Variants in IQCE observed in about 807,000 individuals in gnomAD.
IQCE encodes IQ motif containing E.
A neutral mutation model predicts 96.0 loss-of-function variants in IQCE; 115 were observed. That is an observed-to-expected ratio of 1.20 (90% CI 1.03 to 1.40). The LOEUF (loss-of-function observed/expected upper bound fraction) is 1.40, where lower values mean the gene tolerates loss of function less well. Among genes scored for constraint, IQCE ranks in the 40% most tolerant of loss-of-function variants. IQCE has a pLI of 0.00. For missense variants in IQCE, 1,041 were observed against 909.1 expected, an observed-to-expected ratio of 1.15 and a Z score of -1.87; for synonymous variants, 412 against 371.2, an observed-to-expected ratio of 1.11 and a Z score of -1.26.
chr7:2,595,248 G>A (rs1783933215), intron 16 of IQCE, among the ~76,000 whole-genome samples: 1 of 152,242 alleles, frequency 6.6e-6, no homozygotes, highest in African/African-American at 2.4e-5. Context: ...CATGCGGAGG[G>A]TGTAGTTATG....
chr7:2,583,757 G>A (rs773790803), intron 10 of IQCE, 48 bp downstream of exon 10: 12 of 559,922 alleles, frequency 2.1e-5, no homozygotes, highest in Admixed American at 5.6e-5. Flanking sequence ...CGAGCTGGGC[G>A]GCGGGGCGGA....
At chr7:2,598,991 TC>T (rs1784254838) in intron 17 of IQCE, among the ~76,000 whole-genome samples, 1 of 152,194 alleles carries the variant, frequency 6.6e-6, no homozygotes. Context: ...TTTTACATCC[TC>T]ACCTAACGGC....
chr7:2,599,834 C>T (rs1424701385), intron 17 of IQCE, among the ~76,000 whole-genome samples: 2 of 151,004 alleles, frequency 1.3e-5, no homozygotes, highest in Admixed American at 6.6e-5. Context: ...GCTCTTGTGG[C>T]CCAGGCTGGA....
Position 2,607,187 on chromosome 7 carries a change from C to T in IQCE, c.1929C>T (p.His643=), listed in dbSNP as rs878908727. The change falls in exon 21 of 22, where the codon CAC becomes CAT. Residue 643 remains histidine (H), a synonymous_variant. Transcript: ENST00000402050. Reference sequence around the variant, plus strand: ...GGAGGAGATCGGCTTCAGCCACACACGGGGACGCCTCCTCCCCACCCTTCC... The same window carrying T: ...GGAGGAGATCGGCTTCAGCCACACATGGGGACGCCTCCTCCCCACCCTTCC... The part of the protein sequence containing the change: ...STRRRSASAT[H]GDASSPPFLA... 5.0e-6 allele frequency: 8 copies of T among 1,613,500 alleles called. No individual in the cohort carries two copies. Among genetic ancestry groups the T allele is most frequent in the East Asian group, 2.2e-5 (1 of 44,820 alleles).
intron 20 of IQCE, 102 bp downstream of exon 20, chr7:2,606,099 G>A: frequency 7.3e-7 from 1 of 1,371,036 alleles, no homozygotes; most frequent in South Asian, 1.6e-5. Flanking sequence ...GCGGAAACTG[G>A]AGCAGCGCCT....
chr7:2,584,613 A>G, intron 11 of IQCE: 1 of 276,240 alleles, frequency 3.6e-6, no homozygotes, highest in East Asian at 7.6e-5. Context: ...CATTGCACAC[A>G]AGGACAAGTT....
At position 2,607,159 on chromosome 7, in the gene IQCE, C is replaced by T; in HGVS notation, c.1901C>T (p.Thr634Ile). The stretch of plus-strand genomic sequence containing the variant: ...AAAAGAACCACCACCGCAGCTTCTA[C>T]CAGGAGGAGATCGGCTTCAGCCACA... Reference protein sequence around the residue: ...TGKRTTTAASTRRRSASATHG... With the variant: ...TGKRTTTAASIRRRSASATHG... Residue 634 changes from threonine (T) to isoleucine (I), a missense_variant, in exon 21 of 22, where the codon ACC becomes ATC. Transcript: ENST00000402050. 4 of 1,611,956 alleles carry T rather than the reference C, an allele frequency of 2.5e-6. No individual in the cohort carries two copies. Among genetic ancestry groups the T allele is most frequent in the Non-Finnish European group, 3.4e-6 (4 of 1,179,174 alleles).
chr7:2,606,300 A>G (rs1332792916), intron 20 of IQCE, among the ~76,000 whole-genome samples: 1 of 152,138 alleles, frequency 6.6e-6, no homozygotes, highest in East Asian at 1.9e-4. Flanking sequence ...TCAGGTCACC[A>G]TCAGTCTGTG....
chr7:2,573,532 C>T (rs1404196112), intron 6 of IQCE, 44 bp downstream of exon 6: 2 of 1,046,446 alleles, frequency 1.9e-6, no homozygotes, highest in Non-Finnish European at 3.0e-6. Context: ...ACGGTGAAAG[C>T]TTCCTATAAC....
rs2128475754 is a variant in IQCE at position 2,610,431 on chromosome 7, G to A, written c.*269G>A. 1.0e-5 allele frequency: 4 copies of A among 392,830 alleles called. No homozygotes were observed. Among genetic ancestry groups the A allele is most frequent in the Middle Eastern group, 1.5e-3 (2 of 1,312 alleles). The allele number at this position is 392,830 out of a possible 1,614,324, so 24.3% of individuals were successfully genotyped here. A position where few individuals can be genotyped will look rare whatever the true frequency, so the allele number is the denominator to read the frequency against. On this transcript the variant is annotated 3_prime_UTR_variant, in exon 22 of 22. Transcript: ENST00000402050. ...TTCAGTGCCAACAGACACATCTGCC[G>A]TGAACTCGCAGATGCCAGGGAGCCC...
In IQCE at chr7:2,560,762, G is replaced by A. The variant is rs551571792; in HGVS notation, c.36+1545G>A. Among the ~76,000 whole-genome samples the A allele has an allele frequency of 2.5e-3, 374 of 151,900 alleles. 1 individual carries two copies. Among genetic ancestry groups the A allele is most frequent in the Non-Finnish European group, 4.1e-3 (278 of 67,928 alleles). On this transcript the variant is annotated intron_variant, in intron 1 of 21. Transcript: ENST00000402050. ...CATGAGGTCAGGAGATCGAGACCATGCTGGCTAACACAGTGAAACCCCATC... is the reference window on the plus strand; with the variant it reads ...CATGAGGTCAGGAGATCGAGACCATACTGGCTAACACAGTGAAACCCCATC...
intron 18 of IQCE, 132 bp downstream of exon 18, chr7:2,601,596 C>T: frequency 1.3e-6 from 1 of 758,438 alleles, no homozygotes; most frequent in South Asian, 1.4e-5. Flanking sequence ...GTGGCCCAGC[C>T]TGGAGTGCAG....
chr7:2,593,129 A>AT lies in IQCE; in HGVS notation c.1349+4dup. 6.2e-7 allele frequency: 1 copy of AT among 1,608,302 alleles called. No homozygotes were observed. Among genetic ancestry groups the AT allele is most frequent in the African/African-American group, 1.3e-5 (1 of 74,976 alleles). On this transcript the variant is annotated splice_donor_region_variant and intron_variant, in intron 15 of 21. Coordinates refer to ENST00000402050, the MANE Select transcript of IQCE (RefSeq NM_152558.5). ...AGAGAGCGAGAGGAGGTTTTGAGGT[A>AT]TGTGACCCGGGTCAGGGCTGGAGAG...
rs111535426 is a variant in IQCE, at chr7:2,597,101, C to T, written c.1441-1364C>T. 8.7e-3 allele frequency: 4,091 copies of T among 470,810 alleles called. 109 individuals carry two copies. Among genetic ancestry groups the T allele is most frequent in the African/African-American group, 0.066 (3,318 of 50,192 alleles). 29.2% of individuals were successfully genotyped at this position (470,810 alleles called of 1,614,324 possible). A position where few individuals can be genotyped will look rare whatever the true frequency, so the allele number is the denominator to read the frequency against. ...GCAGGGTCGTGCGGAAGACCTGGGCCAGGGCCTTTATCATGAGAAGGAGAG... is the reference window on the plus strand; with the variant it reads ...GCAGGGTCGTGCGGAAGACCTGGGCTAGGGCCTTTATCATGAGAAGGAGAG... On this transcript the variant is annotated intron_variant, in intron 16 of 21. Coordinates refer to ENST00000402050, the MANE Select transcript of IQCE (RefSeq NM_152558.5).
intron 20 of IQCE, among the ~76,000 whole-genome samples, 166 bp downstream of exon 20, chr7:2,606,163 G>C (rs1467339149): frequency 1.3e-5 from 2 of 152,238 alleles, no homozygotes; most frequent in African/African-American, 4.8e-5. Context: ...TTCACATCCT[G>C]AGGACTCCCT....
intron 5 of IQCE, chr7:2,572,589 G>A (rs74652756): frequency 0.011 from 6,823 of 620,980 alleles, 303 homozygotes; most frequent in African/African-American, 0.1. Context: ...AAACATAGAG[G>A]CGTACTTAAA....
intron 5 of IQCE, chr7:2,572,743 T>C: frequency 2.2e-6 from 1 of 457,316 alleles, no homozygotes; most frequent in Non-Finnish European, 4.4e-6. Context: ...GGAATCTCGC[T>C]GTGTTGCCCA....
rs1320351724 is a variant in IQCE at position 2,598,571 on chromosome 7, A to T, written c.1547A>T (p.Asp516Val). Residue 516 changes from aspartate to valine, a missense_variant, in exon 17 of 22, where the codon GAT (aspartate) becomes GTT (valine). Asp to Val is a radical substitution (Grantham distance 152, BLOSUM62 -3). Transcript: ENST00000402050. ...CCGCGGCCCCGCTCCCCCTGCTCTG[A>T]TGGGAGAAGAGACGCCGCGGCCAGA... is the stretch of plus-strand genomic sequence containing the variant. ...GLPRPRSPCS[D>V]GRRDAAARVL... 1 of 1,608,784 alleles carries T rather than the reference A, an allele frequency of 6.2e-7. No homozygotes were observed. The highest frequency in any genetic ancestry group is 8.5e-7 in the Non-Finnish European group (1 of 1,177,780).
chr7:2,592,908 C>T (rs540192772), intron 14 of IQCE, 114 bp from the exon 15 acceptor site: 1 of 1,141,976 alleles, frequency 8.8e-7, no homozygotes, highest in African/African-American at 1.5e-5. Flanking sequence ...TCCTGCCCCA[C>T]CATCCACTGT....
Sources: gnomAD v4.1 joint callset for allele counts (sites outside exome capture counted in the v4.1 genomes callset) on GRCh38, gnomAD v4.1.1 for gene constraint, MANE v1.5 for transcripts, NCBI Gene and HGNC (gene_info 2026-07-23, HGNC 2026-07-21) for gene names.